Variants in CLIP2 observed in about 807,000 individuals in gnomAD.
The protein encoded by CLIP2 is CAP-Gly domain-containing linker protein 2.
A neutral mutation model predicts 111.7 loss-of-function variants in CLIP2; 41 were observed. The observed-to-expected ratio is 0.37, with a 90% CI of 0.29 to 0.48. CLIP2 has a LOEUF of 0.48. Ranked by LOEUF, CLIP2 falls within the 20% of genes least tolerant of loss-of-function variation. The probability of loss-of-function intolerance (pLI) is 0.99; values close to 1 mark genes in which losing one functional copy is unlikely to be tolerated. For missense variants in CLIP2, 1,160 were observed against 1,422.1 expected, an observed-to-expected ratio of 0.82 and a Z score of 2.96; for synonymous variants, 660 against 644.2, an observed-to-expected ratio of 1.02 and a Z score of -0.37.
At chr7:74,366,799 T>C (rs1432113565) in intron 8 of CLIP2, among the ~76,000 whole-genome samples, 1 of 148,124 alleles carries the variant, frequency 6.8e-6, no homozygotes, top group African/African-American at 2.5e-5. Context: ...TCACTTGAAA[T>C]TGGGAGGCGG....
intron 13 of CLIP2, among the ~76,000 whole-genome samples, chr7:74,396,460 ATGTGTGTG>A (rs141831013): frequency 1.3e-5 from 2 of 151,028 alleles, no homozygotes. Flanking sequence ...TTTTGGGGTT[ATGTGTGTG>A]TGTGTGTGTG....
At chr7:74,302,912 C>T (rs1788377765) in intron 1 of CLIP2, among the ~76,000 whole-genome samples, 1 of 152,224 alleles carries the variant, frequency 6.6e-6, no homozygotes, top group South Asian at 2.1e-4. Context: ...GATTTATCCC[C>T]ACCCCATTCT....
In CLIP2 at chr7:74,347,369, C is replaced by T. The variant is rs530858724; in HGVS notation, c.679-6511C>T. On this transcript the variant is annotated intron_variant, in intron 3 of 16. Transcript: ENST00000223398. ...CTGCAAGCTCCGCCTCCCGGGTTCACGCCATTCTCCTGCCTCAGCCTCCCG... is the reference window on the plus strand; with the variant it reads ...CTGCAAGCTCCGCCTCCCGGGTTCATGCCATTCTCCTGCCTCAGCCTCCCG... Among the ~76,000 whole-genome samples, 901 of 152,242 alleles carry T rather than the reference C, an allele frequency of 5.9e-3. 9 individuals carry two copies. Among genetic ancestry groups the T allele is most frequent in the African/African-American group, 0.02 (845 of 41,560 alleles).
chr7:74,347,471 T>C (rs751454507), intron 3 of CLIP2, among the ~76,000 whole-genome samples: 3 of 152,132 alleles, frequency 2.0e-5, no homozygotes, highest in Admixed American at 6.6e-5. Context: ...GGTTTCACTG[T>C]GTTGGCCAGG....
intron 2 of CLIP2, among the ~76,000 whole-genome samples, chr7:74,330,240 T>TTTC (rs1789239143): frequency 9.9e-6 from 1 of 100,920 alleles, no homozygotes; most frequent in Non-Finnish European, 2.5e-5. Context: ...CCTCTTGGTG[T>TTTC]TTCTTTTCTT....
Position 74,400,442 on chromosome 7 carries a change from C to A in CLIP2, c.2953C>A (p.Arg985=). The A allele has an allele frequency of 1.9e-6, 3 of 1,614,024 alleles. No homozygotes were observed. Among genetic ancestry groups the A allele is most frequent in the Non-Finnish European group, 2.5e-6 (3 of 1,179,894 alleles). The part of the protein sequence containing the change: ...IDRSSAPELL[R]LQHQLMSTED... The stretch of plus-strand genomic sequence containing the variant: ...CCGGTCCTCGGCGCCCGAGCTTCTG[C>A]GGCTGCAGCACCAGCTGATGAGCAC... Residue 985 remains arginine (R), a synonymous_variant, in exon 15 of 17, where the codon CGG becomes AGG. Coordinates refer to ENST00000223398, the MANE Select transcript of CLIP2 (RefSeq NM_003388.5).
At chr7:74,348,952 G>C (rs1554306951) in intron 3 of CLIP2, among the ~76,000 whole-genome samples, 1 of 149,670 alleles carries the variant, frequency 6.7e-6, no homozygotes, top group African/African-American at 2.5e-5. Flanking sequence ...TTTGAGACCA[G>C]CCTGGGCAAC....
At chr7:74,392,702 C>T (rs1791327251) in intron 13 of CLIP2, among the ~76,000 whole-genome samples, 1 of 152,118 alleles carries the variant, frequency 6.6e-6, no homozygotes, top group East Asian at 1.9e-4. Flanking sequence ...TGAAGCACGC[C>T]TGTAATCCCA....
Position 74,403,885 on chromosome 7 carries a change from C to T in CLIP2, c.*37C>T. ...TACTGTGGAGCAGCCCAGTCCACACCAGAGCCCCACGCGGCTGCCCGGCAG... is the reference window on the plus strand; with the variant it reads ...TACTGTGGAGCAGCCCAGTCCACACTAGAGCCCCACGCGGCTGCCCGGCAG... On this transcript the variant is annotated 3_prime_UTR_variant, in exon 17 of 17. Coordinates refer to ENST00000223398, the MANE Select transcript of CLIP2 (RefSeq NM_003388.5). 6.2e-7 allele frequency: 1 copy of T among 1,611,778 alleles called. No homozygotes were observed. The highest frequency in any genetic ancestry group is 8.5e-7 in the Non-Finnish European group (1 of 1,179,422).
chr7:74,390,992 T>C (rs1294191140), intron 13 of CLIP2, among the ~76,000 whole-genome samples: 1 of 151,734 alleles, frequency 6.6e-6, no homozygotes, highest in African/African-American at 2.4e-5. Flanking sequence ...GAGGTTGCAG[T>C]GAGCCGAGAT....
rs1302563709 is a variant in CLIP2 at position 74,338,830 on chromosome 7, C to T, written c.504C>T (p.Asn168=). 2 of 1,611,166 alleles carry T rather than the reference C, an allele frequency of 1.2e-6. No individual in the cohort carries two copies. The highest frequency in any genetic ancestry group is 2.2e-5 in the East Asian group (1 of 44,872). Residue 168 remains asparagine (N), a synonymous_variant, in exon 3 of 17, where the codon AAC becomes AAT. Coordinates refer to ENST00000223398, the MANE Select transcript of CLIP2 (RefSeq NM_003388.5). This position sits in a 1 kb window ranked among gnomAD's most constrained non-coding sequence, Gnocchi z 4.3. The part of the protein sequence containing the change: ...AHSVESLTAQ[N]LSLHSGTATP... The stretch of plus-strand genomic sequence containing the variant: ...CCGTGGAGTCGCTGACTGCCCAGAA[C>T]CTGTCATTGCATTCGGGCACGGCCA...
intron 9 of CLIP2, among the ~76,000 whole-genome samples, chr7:74,374,306 G>A (rs1554312407): frequency 6.6e-6 from 1 of 152,228 alleles, no homozygotes; most frequent in South Asian, 2.1e-4. Flanking sequence ...CCATGTGCTT[G>A]TACGGTACAC....
At chr7:74,295,673 T>A (rs1456991254) in intron 1 of CLIP2, among the ~76,000 whole-genome samples, 1 of 152,066 alleles carries the variant, frequency 6.6e-6, no homozygotes, top group Non-Finnish European at 1.5e-5. Flanking sequence ...TTGAGGTGAT[T>A]TACAAAGATA....
intron 2 of CLIP2, among the ~76,000 whole-genome samples, chr7:74,329,364 A>G (rs568215311): frequency 4.4e-4 from 67 of 152,028 alleles, no homozygotes; most frequent in African/African-American, 1.5e-3. Context: ...CTATATTAAG[A>G]GCACCTCTCA....
chr7:74,366,156 C>T (rs897700519), intron 8 of CLIP2, among the ~76,000 whole-genome samples: 5 of 152,124 alleles, frequency 3.3e-5, no homozygotes, highest in Admixed American at 6.6e-5. Flanking sequence ...ATCACCCCAC[C>T]TCTCTGCCTG....
chr7:74,370,651 C>T (rs1790592531), intron 8 of CLIP2, among the ~76,000 whole-genome samples: 1 of 149,212 alleles, frequency 6.7e-6, no homozygotes, highest in African/African-American at 2.5e-5. Flanking sequence ...CACCCCTGCC[C>T]CTAAGTTATC....
chr7:74,334,431 CG>C (rs1423484215), intron 2 of CLIP2, among the ~76,000 whole-genome samples: 1 of 152,040 alleles, frequency 6.6e-6, no homozygotes, highest in Non-Finnish European at 1.5e-5. Context: ...CGCCTGGGCC[CG>C]GACAGCTGGG....
chr7:74,331,067 A>G (rs1330746902), intron 2 of CLIP2, among the ~76,000 whole-genome samples: 1 of 151,566 alleles, frequency 6.6e-6, no homozygotes, highest in Non-Finnish European at 1.5e-5. Context: ...TTAGCCAAGC[A>G]TGGTGGTACA....
chr7:74,363,417 G>C (rs1471188445), intron 7 of CLIP2, among the ~76,000 whole-genome samples: 5 of 152,198 alleles, frequency 3.3e-5, no homozygotes, highest in Non-Finnish European at 5.9e-5. Context: ...CTGATGCCTG[G>C]GCATTCCACA....
Sources: gnomAD v4.1 joint callset for allele counts (sites outside exome capture counted in the v4.1 genomes callset) on GRCh38, gnomAD v4.1.1 for gene constraint, Gnocchi (gnomAD v3.1) non-coding constraint, MANE v1.5 for transcripts, NCBI Gene and HGNC (gene_info 2026-07-23, HGNC 2026-07-21) for gene names.